Variants in TSPEAR observed in about 807,000 individuals in gnomAD.
TSPEAR encodes the protein thrombospondin type laminin G domain and EAR repeats.
A neutral mutation model predicts 71.6 loss-of-function variants in TSPEAR; 69 were observed. The observed-to-expected ratio is 0.96, with a 90% confidence interval of 0.79 to 1.18. The LOEUF is 1.18. Ranked by LOEUF, TSPEAR falls within the 50% of genes most tolerant of loss-of-function variation. TSPEAR has a pLI of 0.00. For synonymous variants in TSPEAR, 402 were observed against 387.2 expected, an observed-to-expected ratio of 1.04 and a Z score of -0.45; for missense variants, 971 against 894.9, an observed-to-expected ratio of 1.09 and a Z score of -1.09.
Position 44,647,407 on chromosome 21 carries a change from C to A in TSPEAR, c.82+64026G>T, listed in dbSNP as rs782689216. 43 of 1,581,946 alleles carry A rather than the reference C, an allele frequency of 2.7e-5. No homozygotes were observed. In the East Asian group the frequency reaches 9.2e-4, roughly 34 times the overall value. On this transcript the variant is annotated intron_variant, in intron 1 of 11. Coordinates refer to ENST00000323084, the MANE Select transcript of TSPEAR (RefSeq NM_144991.3). Reference sequence around the variant, plus strand: ...TGTGTCTTTGCTGCCAAGCAGGATTCTCCAGTCTCAGGAGCCCCTGGAGTC... The same window carrying A: ...TGTGTCTTTGCTGCCAAGCAGGATTATCCAGTCTCAGGAGCCCCTGGAGTC...
At chr21:44,698,667 C>T (rs1214275085) in intron 1 of TSPEAR, among the ~76,000 whole-genome samples, 1 of 152,226 alleles carries the variant, frequency 6.6e-6, no homozygotes, top group Non-Finnish European at 1.5e-5. Context: ...ATGGCTCGCT[C>T]CACCTGCAGC....
At chr21:44,532,184 CCCA>C (rs1310443862) in intron 3 of TSPEAR, among the ~76,000 whole-genome samples, 1 of 152,252 alleles carries the variant, frequency 6.6e-6, no homozygotes, top group Non-Finnish European at 1.5e-5. Flanking sequence ...CTCCCCATGT[CCCA>C]CCATCTTCCC....
chr21:44,702,406 TGCTGCCAGCAGTCTA>T lies in TSPEAR; in HGVS notation c.82+9012_82+9026del, dbSNP rs1987698401. 6.5e-6 allele frequency: 9 copies of T among 1,383,076 alleles called. No homozygotes were observed. The South Asian group carries it at 1.1e-4, about 16-fold the overall frequency. 85.7% of individuals were successfully genotyped at this position (1,383,076 alleles called of 1,614,324 possible). A position where few individuals can be genotyped will look rare whatever the true frequency, so the allele number is the denominator to read the frequency against. ...TGAGCCCAGCTCCTGCACGCCCTTG[TGCTGCCAGCAGTCTA>T]GCTGCCAGCCAGCTTGCTGCACCTC... On this transcript the variant is annotated intron_variant, in intron 1 of 11. Coordinates refer to ENST00000323084, the MANE Select transcript of TSPEAR (RefSeq NM_144991.3).
rs233231 is a variant in TSPEAR at position 44,546,850 on chromosome 21, T to G, written c.304-12927A>C. On this transcript the variant is annotated intron_variant, in intron 2 of 11. Coordinates refer to ENST00000323084, the MANE Select transcript of TSPEAR (RefSeq NM_144991.3). This position sits in a 1 kb window ranked among gnomAD's most constrained non-coding sequence, Gnocchi z 4.4. ...TGATTACACTGTGTTTTTGTGTGAT[T>G]CTCTTTGAGTTTATTCTACTTGGGG... Among the ~76,000 whole-genome samples the G allele has an allele frequency of 0.23, 34,982 of 152,144 alleles. 4,199 individuals are homozygous for G. Among genetic ancestry groups the G allele is most frequent in the East Asian group, 0.41 (2,141 of 5,166 alleles).
At chr21:44,584,018 T>C (rs1332682154) in intron 1 of TSPEAR, among the ~76,000 whole-genome samples, 1 of 152,208 alleles carries the variant, frequency 6.6e-6, no homozygotes, top group Non-Finnish European at 1.5e-5. Flanking sequence ...TCAAAGTGGA[T>C]AAAGCACACA....
rs368860151 is a variant in TSPEAR, at chr21:44,601,871, G to T, written c.83-33866C>A. ...CAGTGGTCAGCTGGCCATCCAGTGTGCGCTTCTCCTCCTAGAAGCAGCTCA... is the reference window on the plus strand; with the variant it reads ...CAGTGGTCAGCTGGCCATCCAGTGTTCGCTTCTCCTCCTAGAAGCAGCTCA... On this transcript the variant is annotated intron_variant, in intron 1 of 11. Coordinates refer to ENST00000323084, the MANE Select transcript of TSPEAR (RefSeq NM_144991.3). 7.4e-5 allele frequency: 89 copies of T among 1,210,168 alleles called. No individual in the cohort carries two copies. In the East Asian group the frequency reaches 1.1e-3, roughly 15 times the overall value. The allele number at this position is 1,210,168 out of a possible 1,614,324, so 75.0% of individuals were successfully genotyped here.
At chr21:44,522,348 C>T (rs2145961982) in intron 8 of TSPEAR, among the ~76,000 whole-genome samples, 1 of 152,350 alleles carries the variant, frequency 6.6e-6, no homozygotes, top group South Asian at 2.1e-4. Context: ...TGGTGGCCCC[C>T]ACCGCCCTTG....
chr21:44,637,452 C>T (rs1983663680), intron 1 of TSPEAR: 2 of 1,612,388 alleles, frequency 1.2e-6, no homozygotes, highest in Non-Finnish European at 1.7e-6. Flanking sequence ...TGCTCCAGCG[C>T]CTGCACTGAC....
In TSPEAR at chr21:44,651,770, C is replaced by T. The variant is rs369871821; in HGVS notation, c.82+59663G>A. ...CCCTGCTGCCACAAAAGGTGACACT[C>T]ATAGGTTCTGAGAACCAGGATGTGG... On this transcript the variant is annotated intron_variant, in intron 1 of 11. Transcript: ENST00000323084. Among the ~76,000 whole-genome samples the T allele has an allele frequency of 2.8e-4, 42 of 152,260 alleles. 1 individual carries two copies. In the South Asian group the frequency reaches 7.5e-3, roughly 27 times the overall value.
At chr21:44,505,530 G>A (rs1458037890) in intron 10 of TSPEAR, among the ~76,000 whole-genome samples, 1 of 101,154 alleles carries the variant, frequency 9.9e-6, no homozygotes. Context: ...CTGCAAAACC[G>A]AAGCTCTGCA....
intron 8 of TSPEAR, among the ~76,000 whole-genome samples, chr21:44,524,732 G>C (rs1156881573): frequency 6.6e-6 from 1 of 151,700 alleles, no homozygotes; most frequent in African/African-American, 2.4e-5. Context: ...CAGTCAGTGA[G>C]ACAGTCAGTC....
At chr21:44,696,221 T>G (rs1490364886) in intron 1 of TSPEAR, among the ~76,000 whole-genome samples, 5 of 152,174 alleles carry the variant, frequency 3.3e-5, no homozygotes, top group African/African-American at 1.2e-4. Flanking sequence ...CATCAGATAT[T>G]TTCACATCAA....
In TSPEAR at chr21:44,508,301, G is replaced by A. The variant is rs781808804; in HGVS notation, c.1754+898C>T. 12 of 183,568 alleles carry A rather than the reference G, an allele frequency of 6.5e-5. 1 individual carries two copies. Among genetic ancestry groups the A allele is most frequent in the African/African-American group, 2.4e-4 (10 of 42,150 alleles). The allele number at this position is 183,568 out of a possible 1,614,324, so 11.4% of individuals were successfully genotyped here. On this transcript the variant is annotated intron_variant, in intron 10 of 11. Coordinates refer to ENST00000323084, the MANE Select transcript of TSPEAR (RefSeq NM_144991.3). ...ATCTTGGAGACTCTTCCCCTCGAAGGGTCTAAAGGTATGTGTTGTTGTGTG... is the reference window on the plus strand; with the variant it reads ...ATCTTGGAGACTCTTCCCCTCGAAGAGTCTAAAGGTATGTGTTGTTGTGTG...
At chr21:44,505,266 A>G (rs1340791296) in intron 10 of TSPEAR, among the ~76,000 whole-genome samples, 1 of 151,906 alleles carries the variant, frequency 6.6e-6, no homozygotes, top group Non-Finnish European at 1.5e-5. Flanking sequence ...TGTAGTACAG[A>G]CAGGGTTTCA....
At chr21:44,673,268 G>A (rs781879950) in intron 1 of TSPEAR, among the ~76,000 whole-genome samples, 25 of 152,264 alleles carry the variant, frequency 1.6e-4, no homozygotes, top group Non-Finnish European at 2.9e-4. Flanking sequence ...CTGAAAGAAA[G>A]AAACTGACAG....
chr21:44,512,675 G>C (rs758365958), intron 9 of TSPEAR, among the ~76,000 whole-genome samples: 6 of 152,200 alleles, frequency 3.9e-5, no homozygotes, highest in Non-Finnish European at 8.8e-5. Context: ...CTCCAGGGCA[G>C]GGATTGTGCC....
chr21:44,603,081 G>C (rs190348186), intron 1 of TSPEAR, among the ~76,000 whole-genome samples: 81 of 152,252 alleles, frequency 5.3e-4, no homozygotes, highest in African/African-American at 1.9e-3. Flanking sequence ...AGGAGGCTGG[G>C]TGAGGCCAGG....
At chr21:44,570,638 G>A (rs1278751983) in intron 1 of TSPEAR, among the ~76,000 whole-genome samples, 1 of 152,158 alleles carries the variant, frequency 6.6e-6, no homozygotes, top group Admixed American at 6.5e-5. Flanking sequence ...TAGGAGCTTT[G>A]CCTTGAGAAA....
At chr21:44,551,033 CA>C in intron 2 of TSPEAR, 1 of 1,611,756 alleles carries the variant, frequency 6.2e-7, no homozygotes, top group Non-Finnish European at 8.5e-7. Flanking sequence ...AGCAGACAGG[CA>C]CACGGCAGGA....
Sources: allele counts gnomAD v4.1 joint callset (sites outside exome capture counted in the v4.1 genomes callset), GRCh38; gene constraint gnomAD v4.1.1; non-coding constraint Gnocchi (gnomAD v3.1); transcripts MANE v1.5; gene names NCBI Gene and HGNC (gene_info 2026-07-23, HGNC 2026-07-21).